The following FBXO25 variants were observed in gnomAD, a reference collection of about 807,000 sequenced individuals.
FBXO25 encodes the protein F-box only protein 25.
FBXO25 carries 45 observed loss-of-function variants against 51.9 expected under a neutral mutation model. The ratio of observed to expected loss-of-function variants is 0.87; its 90% CI spans 0.68 to 1.11. The LOEUF is 1.11. FBXO25 is among the 50% of genes most tolerant of loss of function. The pLI is 0.00. For synonymous variants in FBXO25, 199 were observed against 151.0 expected (o/e 1.32, Z -2.33); for missense variants, 507 against 428.5 (o/e 1.18, Z -1.62).
intron 7 of FBXO25, among the ~76,000 whole-genome samples, chr8:455,160 T>G (rs1799347213): frequency 6.6e-6 from 1 of 152,176 alleles, no homozygotes; most frequent in Non-Finnish European, 1.5e-5. Flanking sequence ...ATGTGTGGAC[T>G]GCTTGGAGGA....
chr8:427,871 T>A (rs1182559015), intron 2 of FBXO25, among the ~76,000 whole-genome samples: 1 of 151,656 alleles, frequency 6.6e-6, no homozygotes, highest in Non-Finnish European at 1.5e-5. Flanking sequence ...TTCCTAGACT[T>A]GTGTGGAAAT....
At chr8:445,112 C>T (rs1357805823) in intron 5 of FBXO25, among the ~76,000 whole-genome samples, 1 of 152,104 alleles carries the variant, frequency 6.6e-6, no homozygotes, top group Non-Finnish European at 1.5e-5. Context: ...CCAGTTTAAC[C>T]TGAAATGTAA....
intron 5 of FBXO25, among the ~76,000 whole-genome samples, chr8:446,822 A>G (rs947944822): frequency 6.6e-6 from 1 of 152,160 alleles, no homozygotes; most frequent in Admixed American, 6.5e-5. Context: ...AAAGATTATC[A>G]TGTAATTGTC....
chr8:415,587 G>C (rs1253062655), intron 2 of FBXO25, among the ~76,000 whole-genome samples: 1 of 152,214 alleles, frequency 6.6e-6, no homozygotes, highest in African/African-American at 2.4e-5. Flanking sequence ...GAAATGTTGA[G>C]TGCTGCCTAT....
intron 8 of FBXO25, among the ~76,000 whole-genome samples, chr8:459,711 T>A (rs569445535): frequency 1.3e-5 from 2 of 151,734 alleles, no homozygotes; most frequent in African/African-American, 4.8e-5. Context: ...GTCTGAGAGG[T>A]ATGTGGAGCT....
intron 8 of FBXO25, among the ~76,000 whole-genome samples, chr8:460,842 T>C (rs1427852898): frequency 2.0e-5 from 3 of 152,226 alleles, no homozygotes; most frequent in Non-Finnish European, 4.4e-5. Flanking sequence ...TTGCAAGTAG[T>C]CTTCTTTTCA....
At chr8:446,317 T>C (rs1798733617) in intron 5 of FBXO25, among the ~76,000 whole-genome samples, 1 of 152,148 alleles carries the variant, frequency 6.6e-6, no homozygotes, top group African/African-American at 2.4e-5. Context: ...TGTGTAACTC[T>C]TCTTTTTCCT....
intron 5 of FBXO25, among the ~76,000 whole-genome samples, chr8:437,060 A>C (rs1342612590): frequency 6.6e-6 from 1 of 152,000 alleles, no homozygotes; most frequent in African/African-American, 2.4e-5. Context: ...GGACGACTGC[A>C]TAATTTTTTT....
At chr8:435,009 C>T (rs959192066) in intron 4 of FBXO25, among the ~76,000 whole-genome samples, 2 of 152,162 alleles carry the variant, frequency 1.3e-5, no homozygotes, top group African/African-American at 2.4e-5. Flanking sequence ...GCCTTCAGCC[C>T]TCTCCATCCC....
chr8:466,157 A>G (rs1307959399), intron 9 of FBXO25, among the ~76,000 whole-genome samples: 2 of 152,214 alleles, frequency 1.3e-5, no homozygotes, highest in Admixed American at 1.3e-4. Context: ...GAAGTATTCA[A>G]AAAGAGCCAT....
At chr8:409,337 G>T (rs184321881) in intron 1 of FBXO25, among the ~76,000 whole-genome samples, 4 of 152,296 alleles carry the variant, frequency 2.6e-5, no homozygotes, top group East Asian at 3.9e-4. Context: ...CTTTTCCTCT[G>T]TGTTGAAAAT....
In FBXO25 at chr8:467,386, T is replaced by C. The variant is rs117868712; in HGVS notation, c.988-1329T>C. Among the ~76,000 whole-genome samples the C allele has an allele frequency of 2.5e-3, 387 of 152,338 alleles. 2 individuals are homozygous for C. Among genetic ancestry groups the C allele is most frequent in the Non-Finnish European group, 4.4e-3 (302 of 68,034 alleles). ...TTTTAATATAAACTGCACATGGAAA[T>C]AGCATCTCTTCTTCAGTGAATAATT... is the stretch of plus-strand genomic sequence containing the variant. On this transcript the variant is annotated intron_variant, in intron 9 of 9. Transcript: ENST00000350302.
intron 2 of FBXO25, among the ~76,000 whole-genome samples, chr8:428,795 A>C (rs1797646887): frequency 6.6e-6 from 1 of 152,204 alleles, no homozygotes; most frequent in Admixed American, 6.5e-5. Flanking sequence ...ATCAGACAGT[A>C]TGTGTCCTTT....
At chr8:453,337 G>C (rs1258577093) in intron 7 of FBXO25, among the ~76,000 whole-genome samples, 1 of 151,904 alleles carries the variant, frequency 6.6e-6, no homozygotes, top group African/African-American at 2.4e-5. Flanking sequence ...TGAGTCCCTG[G>C]GTGCTCTCTG....
intron 2 of FBXO25, among the ~76,000 whole-genome samples, chr8:430,874 A>C (rs926957348): frequency 7.9e-5 from 12 of 152,196 alleles, no homozygotes; most frequent in Non-Finnish European, 1.3e-4. Context: ...GTTGGTGCTT[A>C]ATAAAAACAT....
At chr8:444,038 G>C (rs527776683) in intron 5 of FBXO25, among the ~76,000 whole-genome samples, 1 of 152,228 alleles carries the variant, frequency 6.6e-6, no homozygotes, top group African/African-American at 2.4e-5. Flanking sequence ...CCCTGCCTCA[G>C]TTTTCTCATC....
At chr8:439,438 C>T (rs776020360) in intron 5 of FBXO25, among the ~76,000 whole-genome samples, 10 of 152,152 alleles carry the variant, frequency 6.6e-5, no homozygotes, top group African/African-American at 9.7e-5. Flanking sequence ...TTTTCAGAAT[C>T]GTAAAGTTTA....
chr8:468,449 G>C (rs1439778794), intron 9 of FBXO25, among the ~76,000 whole-genome samples: 1 of 152,118 alleles, frequency 6.6e-6, no homozygotes, highest in African/African-American at 2.4e-5. Flanking sequence ...TGGCTCCTCT[G>C]ACTCAGTACC....
At chr8:468,070 G>C in intron 9 of FBXO25, 1 of 1,142,676 alleles carries the variant, frequency 8.8e-7, no homozygotes, top group Non-Finnish European at 1.1e-6. Flanking sequence ...TGACCCCAGA[G>C]CCTCTGGTCC....
Sources: allele counts gnomAD v4.1 joint callset (sites outside exome capture counted in the v4.1 genomes callset), GRCh38; gene constraint gnomAD v4.1.1; transcripts MANE v1.5; gene names NCBI Gene and HGNC (gene_info 2026-07-23, HGNC 2026-07-21).